GATA4: variants seen among roughly 807,000 people sequenced by gnomAD.
GATA4 encodes the protein transcription factor GATA-4.
GATA4 carries 7 observed loss-of-function variants against 37.9 expected under a neutral mutation model. The ratio of observed to expected loss-of-function variants is 0.18; its 90% CI spans 0.11 to 0.35. The LOEUF is 0.35. Among genes scored for constraint, GATA4 ranks in the 10% least tolerant of loss-of-function variants. The probability of loss-of-function intolerance (pLI) is 1.00; values close to 1 mark genes in which losing one functional copy is unlikely to be tolerated. For missense variants in GATA4, 647 were observed against 653.0 expected, an observed-to-expected ratio of 0.99 and a Z score of 0.10; for synonymous variants, 372 against 292.6, an observed-to-expected ratio of 1.27 and a Z score of -2.77.
intron 2 of GATA4, among the ~76,000 whole-genome samples, chr8:11,738,574 C>T (rs1212251602): frequency 6.6e-6 from 1 of 152,202 alleles, no homozygotes; most frequent in African/African-American, 2.4e-5. Flanking sequence ...CAGTCCTCTG[C>T]TATGGAAGGA....
In GATA4 at chr8:11,758,906, G is replaced by A; in HGVS notation, c.*431G>A. 1 of 305,870 alleles carries A rather than the reference G, an allele frequency of 3.3e-6. No homozygotes were observed. Among genetic ancestry groups the A allele is most frequent in the South Asian group, 3.1e-5 (1 of 32,538 alleles). The allele number at this position is 305,870 out of a possible 1,614,324, so 18.9% of individuals were successfully genotyped here. On this transcript the variant is annotated 3_prime_UTR_variant, in exon 7 of 7. Coordinates refer to ENST00000532059, the MANE Select transcript of GATA4 (RefSeq NM_001308093.3). Reference sequence around the variant, plus strand: ...GTTTGCCATGTACCTGGATGCGACGGGCCCCTGGGGACAGGCCCTTGCCCC... The same window carrying A: ...GTTTGCCATGTACCTGGATGCGACGAGCCCCTGGGGACAGGCCCTTGCCCC...
In GATA4 at chr8:11,739,520, TACAC is replaced by T. The variant is rs151158785; in HGVS notation, c.617-9385_617-9382del. Among the ~76,000 whole-genome samples, 51 of 147,772 alleles carry T rather than the reference TACAC, an allele frequency of 3.5e-4. 3 individuals are homozygous for T. The highest frequency in any genetic ancestry group is 1.1e-3 in the African/African-American group (43 of 38,582). On this transcript the variant is annotated intron_variant, in intron 2 of 6. Coordinates refer to ENST00000532059, the MANE Select transcript of GATA4 (RefSeq NM_001308093.3). ...GATTTTATATACACACATGTATGTGTACACACACACACACGGAAACTTCTGGCCC... is the reference window on the plus strand; with the variant it reads ...GATTTTATATACACACATGTATGTGTACACACACACGGAAACTTCTGGCCC...
chr8:11,754,437 C>G (rs182343274), intron 4 of GATA4, among the ~76,000 whole-genome samples: 1 of 152,142 alleles, frequency 6.6e-6, no homozygotes, highest in East Asian at 1.9e-4. Flanking sequence ...AGGATGGTCT[C>G]GAACTCCTGG....
chr8:11,742,169 G>C (rs545227698), intron 2 of GATA4, among the ~76,000 whole-genome samples: 26 of 152,276 alleles, frequency 1.7e-4, no homozygotes, highest in African/African-American at 6.0e-4. Context: ...GGAGCCGCTG[G>C]GGCCCAGGGT....
At chr8:11,757,141 C>G in intron 6 of GATA4, 58 bp downstream of exon 6, 2 of 1,605,240 alleles carry the variant, frequency 1.2e-6, no homozygotes, top group Non-Finnish European at 1.7e-6. Flanking sequence ...TGCAGAGTCC[C>G]AGAGGCCAGC....
intron 2 of GATA4, among the ~76,000 whole-genome samples, chr8:11,746,140 G>A (rs1311725767): frequency 2.0e-5 from 3 of 151,982 alleles, no homozygotes; most frequent in East Asian, 1.9e-4. Context: ...GGATGGTAGC[G>A]TGTGCCTGTG....
At chr8:11,721,470 T>C (rs1012134034) in intron 2 of GATA4, among the ~76,000 whole-genome samples, 4 of 151,460 alleles carry the variant, frequency 2.6e-5, no homozygotes, top group African/African-American at 9.7e-5. Flanking sequence ...CTCCTGGCTG[T>C]TGGTTTTGTT....
chr8:11,750,651 G>A (rs1043605202), intron 4 of GATA4, among the ~76,000 whole-genome samples: 1 of 151,908 alleles, frequency 6.6e-6, no homozygotes, highest in African/African-American at 2.4e-5. Flanking sequence ...CTAAAAGTAA[G>A]GCCAGGCATC....
chr8:11,681,547 C>G (rs1798975042), intron 1 of GATA4: 1 of 759,632 alleles, frequency 1.3e-6, no homozygotes, highest in Non-Finnish European at 1.6e-6. Flanking sequence ...GCTGTTGTTT[C>G]TTTAGATACT....
At chr8:11,690,336 A>G (rs145200553), upstream of GATA4, among the ~76,000 whole-genome samples, 70 of 152,362 alleles carry the variant, frequency 4.6e-4, no homozygotes, top group African/African-American at 1.6e-3. Context: ...TTAAAATTCA[A>G]TTCAGCAAAC....
chr8:11,684,977 A>G (rs1253172600), intron 1 of GATA4, among the ~76,000 whole-genome samples: 3 of 152,208 alleles, frequency 2.0e-5, no homozygotes, highest in Non-Finnish European at 2.9e-5. Context: ...AAAAGTGGTC[A>G]TATTCTTTGA....
Position 11,749,291 on chromosome 8 carries a change from C to T in GATA4, c.786+206C>T, listed in dbSNP as rs1802179709. Among the ~76,000 whole-genome samples the T allele has an allele frequency of 6.6e-6, 1 of 152,232 alleles. No homozygotes were observed. Among genetic ancestry groups the T allele is most frequent in the Non-Finnish European group, 1.5e-5 (1 of 68,048 alleles). ...TGTCTAGTTCAACCTCTTCGGCACA[C>T]AGAAACTGAAAGTGAGGCTCAGAAA... On this transcript the variant is annotated intron_variant, in intron 3 of 6. Coordinates refer to ENST00000532059, the MANE Select transcript of GATA4 (RefSeq NM_001308093.3). This position sits in a 1 kb window ranked among gnomAD's most constrained non-coding sequence, Gnocchi z 4.6.
rs1484249118 is a variant in GATA4 at position 11,707,406 on chromosome 8, T to G, written c.-457-450T>G. 2.0e-5 allele frequency among the ~76,000 whole-genome samples: 3 copies of G among 151,970 alleles called. No homozygotes were observed. Among genetic ancestry groups the G allele is most frequent in the Non-Finnish European group, 4.4e-5 (3 of 67,984 alleles). On this transcript the variant is annotated intron_variant, in intron 1 of 6. Coordinates refer to ENST00000532059, the MANE Select transcript of GATA4 (RefSeq NM_001308093.3). The surrounding 1 kb of genome is among the most constrained non-coding windows in gnomAD (Gnocchi z 4.7). ...TTGTCCCCCCAAGGACAATCTAAAG[T>G]TCTTTCTAGGCCAGTCTCCCCATCT...
Position 11,706,033 on chromosome 8 carries a change from G to A in GATA4, c.-458+1729G>A, listed in dbSNP as rs1799874826. On this transcript the variant is annotated intron_variant, in intron 1 of 6. Transcript: ENST00000532059. ...AGTCAAATACTGGATCTTTTATTAA[G>A]GTAAACCCATAATTCTTTAACTTTA... is the stretch of plus-strand genomic sequence containing the variant. 3 of 152,254 alleles carry A rather than the reference G, an allele frequency of 2.0e-5. No individual in the cohort carries two copies. The South Asian group carries it at 6.2e-4, about 32-fold the overall frequency. The allele number at this position is 152,254 out of a possible 1,614,324, so 9.4% of individuals were successfully genotyped here. A position where few individuals can be genotyped will look rare whatever the true frequency, so the allele number is the denominator to read the frequency against.
intron 4 of GATA4, among the ~76,000 whole-genome samples, chr8:11,750,776 A>T (rs1395746491): frequency 7.0e-6 from 1 of 141,854 alleles, no homozygotes. Flanking sequence ...CTACTAAAAA[A>T]AAAAAAAAAA....
intron 1 of GATA4, among the ~76,000 whole-genome samples, chr8:11,683,997 C>T (rs1260831090): frequency 3.9e-5 from 6 of 152,252 alleles, no homozygotes; most frequent in African/African-American, 1.4e-4. Flanking sequence ...TACTGTGACT[C>T]CCAAGTCTCC....
At chr8:11,741,656 A>T (rs533584274) in intron 2 of GATA4, among the ~76,000 whole-genome samples, 1 of 152,298 alleles carries the variant, frequency 6.6e-6, no homozygotes, top group East Asian at 1.9e-4. Flanking sequence ...TTATGCTGTA[A>T]TTATAGGCCC....
rs1802241121 is a variant in GATA4 at position 11,750,317 on chromosome 8, C to A, written c.912+81C>A. ...TCCTCCCTTGTCTTCTTCCTTTGTACTAGCATTCATTTTTCCTTCTTAACA... is the reference window on the plus strand; with the variant it reads ...TCCTCCCTTGTCTTCTTCCTTTGTAATAGCATTCATTTTTCCTTCTTAACA... On this transcript the variant is annotated intron_variant, in intron 4 of 6. Coordinates refer to ENST00000532059, the MANE Select transcript of GATA4 (RefSeq NM_001308093.3). 9 of 1,572,004 alleles carry A rather than the reference C, an allele frequency of 5.7e-6. No homozygotes were observed. The South Asian group carries it at 8.9e-5, about 16-fold the overall frequency.
intron 2 of GATA4, among the ~76,000 whole-genome samples, chr8:11,710,551 G>T (rs1186493206): frequency 6.6e-6 from 1 of 151,068 alleles, no homozygotes; most frequent in Non-Finnish European, 1.5e-5. Context: ...ATTAGCGGTC[G>T]TGGTGGCGCG....
Sources: allele counts gnomAD v4.1 joint callset (sites outside exome capture counted in the v4.1 genomes callset), GRCh38; gene constraint gnomAD v4.1.1; non-coding constraint Gnocchi (gnomAD v3.1); transcripts MANE v1.5; gene names NCBI Gene and HGNC (gene_info 2026-07-23, HGNC 2026-07-21).